SLC9C1: variants seen among roughly 807,000 people sequenced by gnomAD.
SLC9C1 encodes solute carrier family 9 member C1.
In SLC9C1, 97 loss-of-function variants were observed where a neutral mutation model predicts 140.9. The observed-to-expected ratio is 0.69, with a 90% CI of 0.58 to 0.82. The LOEUF (loss-of-function observed/expected upper bound fraction) is 0.82, where lower values mean the gene tolerates loss of function less well. SLC9C1 is among the 40% of genes least tolerant of loss of function. SLC9C1 has a pLI of 0.00. For missense variants in SLC9C1, 1,340 were observed against 1,389.3 expected, an observed-to-expected ratio of 0.96 and a Z score of 0.56; for synonymous variants, 440 against 442.6, an observed-to-expected ratio of 0.99 and a Z score of 0.07.
chr3:112,277,753 A>AAAT lies in SLC9C1; in HGVS notation c.423_425dup (p.Leu141dup). On this transcript the variant is annotated inframe_insertion, in exon 5 of 29. Coordinates refer to ENST00000305815, the MANE Select transcript of SLC9C1 (RefSeq NM_183061.3). ...GATCTGAACTCACAAGGATAGCTGA[A>AAAT]AATAATAACCATTGGGTAGGCTTCA... 2 of 1,612,264 alleles carry AAAT rather than the reference A, an allele frequency of 1.2e-6. No individual in the cohort carries two copies.
rs764165486 is a variant in SLC9C1 at position 112,202,419 on chromosome 3, C to T, written c.2173-20G>A. 1.3e-6 allele frequency: 2 copies of T among 1,563,726 alleles called. No individual in the cohort carries two copies. The highest frequency in any genetic ancestry group is 1.7e-6 in the Non-Finnish European group (2 of 1,155,052). Reference sequence around the variant, plus strand: ...TATGAGCTGAATTAAACAGGACTTCCATTAATATAAATTGCACAAATATCA... The same window carrying T: ...TATGAGCTGAATTAAACAGGACTTCTATTAATATAAATTGCACAAATATCA... On this transcript the variant is annotated intron_variant, in intron 17 of 28. Transcript: ENST00000305815.
chr3:112,157,112 C>T (rs549384588), intron 26 of SLC9C1, among the ~76,000 whole-genome samples: 1 of 152,002 alleles, frequency 6.6e-6, no homozygotes, highest in African/African-American at 2.4e-5. Context: ...TGTCCTATAG[C>T]ATTTTCCCAA....
In SLC9C1 at chr3:112,204,412, T is replaced by C. The variant is rs773461048; in HGVS notation, c.1987-9A>G. The stretch of plus-strand genomic sequence containing the variant: ...TTCCTCATTGCTGCTATCTGTTGAT[T>C]TAAAAGGAAATTACATTATCATGTT... On this transcript the variant is annotated splice_polypyrimidine_tract_variant and intron_variant, in intron 16 of 28. Transcript: ENST00000305815. The C allele has an allele frequency of 9.0e-6, 14 of 1,549,140 alleles. No homozygotes were observed. The highest frequency in any genetic ancestry group is 1.2e-5 in the Non-Finnish European group (14 of 1,158,248).
At chr3:112,160,840 G>A (rs1396633551) in intron 26 of SLC9C1, among the ~76,000 whole-genome samples, 3 of 151,970 alleles carry the variant, frequency 2.0e-5, no homozygotes, top group South Asian at 2.1e-4. Context: ...CTGAGGAATT[G>A]CCACACTGAC....
chr3:112,198,954 T>G (rs754503519), intron 20 of SLC9C1, among the ~76,000 whole-genome samples: 1 of 151,738 alleles, frequency 6.6e-6, no homozygotes, highest in African/African-American at 2.4e-5. Context: ...ACACTAACCC[T>G]ACAATTGAGT....
rs1436497054 is a variant in SLC9C1 at position 112,219,761 on chromosome 3, AG to A, written c.1670+1366del. The stretch of plus-strand genomic sequence containing the variant: ...GCCTGGCTAATTTTTTTGTATTTTT[AG>A]TAGAGACAGGGTTTCACCATATTGG... On this transcript the variant is annotated intron_variant, in intron 14 of 28. Transcript: ENST00000305815. 2.0e-5 allele frequency among the ~76,000 whole-genome samples: 3 copies of A among 152,100 alleles called. No individual in the cohort carries two copies. The East Asian group carries it at 5.8e-4, about 29-fold the overall frequency.
intron 28 of SLC9C1, 65 bp from the exon 29 acceptor site, chr3:112,141,346 C>G (rs1007910873): frequency 1.3e-6 from 2 of 1,522,228 alleles, no homozygotes; most frequent in Non-Finnish European, 1.8e-6. Context: ...TATTGACTTA[C>G]AACCCAGAAT....
At chr3:112,225,603 C>T (rs2078663146) in intron 13 of SLC9C1, among the ~76,000 whole-genome samples, 1 of 151,834 alleles carries the variant, frequency 6.6e-6, no homozygotes, top group Non-Finnish European at 1.5e-5. Flanking sequence ...TTAAAATTTC[C>T]ACTTAAAAGA....
At chr3:112,252,655 A>G (rs1252180276) in intron 10 of SLC9C1, among the ~76,000 whole-genome samples, 1 of 151,884 alleles carries the variant, frequency 6.6e-6, no homozygotes, top group Non-Finnish European at 1.5e-5. Context: ...ACTCTCTGGG[A>G]CAGAGCTCTC....
intron 28 of SLC9C1, among the ~76,000 whole-genome samples, chr3:112,142,727 C>T (rs769764071): frequency 2.6e-5 from 4 of 151,992 alleles, no homozygotes; most frequent in Admixed American, 6.6e-5. Flanking sequence ...AAAAAAAAAT[C>T]CTTTTCTTTC....
chr3:112,197,385 G>A (rs917685238), intron 20 of SLC9C1, among the ~76,000 whole-genome samples: 2 of 152,112 alleles, frequency 1.3e-5, no homozygotes, highest in African/African-American at 2.4e-5. Flanking sequence ...TCTCTGATTA[G>A]AAACAGCGAT....
At chr3:112,279,750 C>T (rs370118428) in intron 3 of SLC9C1, among the ~76,000 whole-genome samples, 71 of 152,292 alleles carry the variant, frequency 4.7e-4, no homozygotes, top group African/African-American at 1.6e-3. Flanking sequence ...ACCTGGCCTT[C>T]TTTGCTTCTT....
At chr3:112,216,508 A>G (rs1281408696) in intron 15 of SLC9C1, among the ~76,000 whole-genome samples, 1 of 151,408 alleles carries the variant, frequency 6.6e-6, no homozygotes, top group African/African-American at 2.4e-5. Flanking sequence ...ACAAATTTAC[A>G]AGAAAAAAAC....
At chr3:112,212,534 A>G (rs929251457) in intron 15 of SLC9C1, among the ~76,000 whole-genome samples, 5 of 152,390 alleles carry the variant, frequency 3.3e-5, no homozygotes, top group Admixed American at 2.0e-4. Flanking sequence ...GGTGAAAACC[A>G]TGGCACAAGA....
chr3:112,280,623 A>T (rs1029743250), intron 3 of SLC9C1, 60 bp downstream of exon 3: 1 of 1,428,662 alleles, frequency 7.0e-7, no homozygotes, highest in Non-Finnish European at 9.5e-7. Flanking sequence ...TTTAAATGCC[A>T]TCTCTGCATT....
chr3:112,267,596 AAGAGAGAG>A (rs1469747745), intron 7 of SLC9C1, among the ~76,000 whole-genome samples: 2 of 138,742 alleles, frequency 1.4e-5, no homozygotes, highest in Non-Finnish European at 3.1e-5. Flanking sequence ...AAAAAAAAAA[AAGAGAGAG>A]AGAGAGAAGG....
At chr3:112,142,590 G>A (rs184808379) in intron 28 of SLC9C1, among the ~76,000 whole-genome samples, 2 of 152,030 alleles carry the variant, frequency 1.3e-5, no homozygotes, top group Non-Finnish European at 2.9e-5. Flanking sequence ...TTCTATGACA[G>A]TATTACTTTT....
At chr3:112,185,521 C>T in intron 20 of SLC9C1, 1 of 1,612,856 alleles carries the variant, frequency 6.2e-7, no homozygotes, top group South Asian at 1.1e-5. Context: ...GGTACAAAGA[C>T]TTGCACAGGG....
At position 112,167,115 on chromosome 3, in the gene SLC9C1, C is replaced by T. The variant is rs866978008; in HGVS notation, c.3364+106G>A. 1.0e-5 allele frequency: 13 copies of T among 1,283,314 alleles called. No individual in the cohort carries two copies. The South Asian group carries it at 1.4e-4, about 14-fold the overall frequency. The allele number at this position is 1,283,314 out of a possible 1,614,324, so 79.5% of individuals were successfully genotyped here. A position where few individuals can be genotyped will look rare whatever the true frequency, so the allele number is the denominator to read the frequency against. On this transcript the variant is annotated intron_variant, in intron 26 of 28. Transcript: ENST00000305815. Reference sequence around the variant, plus strand: ...AGCAAATATGGCAGTTAAAAGGATTCCTCAATATATTAGGCAGAATGCAAA... The same window carrying T: ...AGCAAATATGGCAGTTAAAAGGATTTCTCAATATATTAGGCAGAATGCAAA...
Sources: allele counts gnomAD v4.1 joint callset (sites outside exome capture counted in the v4.1 genomes callset), GRCh38; gene constraint gnomAD v4.1.1; transcripts MANE v1.5; gene names NCBI Gene and HGNC (gene_info 2026-07-23, HGNC 2026-07-21).